Variants in GAS2 observed in about 807,000 individuals in gnomAD.
GAS2 encodes the protein growth arrest specific 2.
GAS2 carries 20 observed loss-of-function variants against 37.5 expected under a neutral mutation model. The observed-to-expected ratio is 0.53, with a 90% confidence interval of 0.37 to 0.77. GAS2 has a LOEUF of 0.77. GAS2 is among the 30% of genes least tolerant of loss of function. GAS2 has a pLI of 0.00. For synonymous variants in GAS2, 144 were observed against 132.2 expected (o/e 1.09, Z -0.61); for missense variants, 336 against 373.4 (o/e 0.90, Z 0.82).
intron 7 of GAS2, among the ~76,000 whole-genome samples, chr11:22,811,136 C>T (rs752339669): frequency 1.3e-5 from 2 of 151,780 alleles, no homozygotes; most frequent in African/African-American, 4.8e-5. Flanking sequence ...AATCAATAAC[C>T]TTGTTAAGTT....
chr11:22,798,197 C>T (rs1856515652), intron 7 of GAS2, among the ~76,000 whole-genome samples: 1 of 151,938 alleles, frequency 6.6e-6, no homozygotes, highest in Non-Finnish European at 1.5e-5. Context: ...GAAATAAAAC[C>T]TGTAAGAACC....
Position 22,674,912 on chromosome 11 carries a change from C to A in GAS2, c.43C>A (p.Leu15Ile), listed in dbSNP as rs1849355685. Reference protein sequence around the residue: ...LSPKVRSGPGLSDMHQYSQWL... With the variant: ...LSPKVRSGPGISDMHQYSQWL... ...CCCAAAGGTACGCAGTGGACCTGGC[C>A]TCTCTGATATGCATCAGTATAGCCA... The change falls in exon 2 of 8, where the codon CTC (leucine) becomes ATC (isoleucine). Residue 15 changes from leucine to isoleucine, a missense_variant. Leu to Ile is a conservative substitution (Grantham distance 5). Transcript: ENST00000454584. 1.9e-6 allele frequency: 3 copies of A among 1,613,478 alleles called. No individual in the cohort carries two copies. In the African/African-American group the frequency reaches 4.0e-5, roughly 22 times the overall value.
At chr11:22,635,674 A>G (rs1231616923) in intron 1 of GAS2, among the ~76,000 whole-genome samples, 3 of 152,172 alleles carry the variant, frequency 2.0e-5, no homozygotes, top group Non-Finnish European at 4.4e-5. Context: ...ATCCCTGTTC[A>G]AGATTATATT....
intron 1 of GAS2, among the ~76,000 whole-genome samples, chr11:22,631,692 C>T (rs1483764644): frequency 6.6e-6 from 1 of 151,896 alleles, no homozygotes; most frequent in South Asian, 2.1e-4. Flanking sequence ...GATGAATTAT[C>T]TTTTTGATGT....
At chr11:22,682,165 G>T (rs1849711773) in intron 2 of GAS2, among the ~76,000 whole-genome samples, 1 of 151,926 alleles carries the variant, frequency 6.6e-6, no homozygotes, top group African/African-American at 2.4e-5. Flanking sequence ...TTTTTCATTA[G>T]ATACAGATGT....
chr11:22,663,846 T>G (rs532173235), upstream of GAS2, among the ~76,000 whole-genome samples: 43 of 152,296 alleles, frequency 2.8e-4, no homozygotes, highest in South Asian at 8.9e-3. Flanking sequence ...CTTTGCCTTA[T>G]GACATTAAAA....
chr11:22,746,619 A>G (rs1322706438), intron 5 of GAS2, among the ~76,000 whole-genome samples: 1 of 152,176 alleles, frequency 6.6e-6, no homozygotes, highest in Non-Finnish European at 1.5e-5. Context: ...CCAATACTGC[A>G]TGTTCTCACT....
intron 2 of GAS2, among the ~76,000 whole-genome samples, chr11:22,679,408 A>T (rs1217508279): frequency 3.9e-5 from 6 of 152,102 alleles, no homozygotes; most frequent in Non-Finnish European, 8.8e-5. Context: ...GGTATATTAG[A>T]ACATGAAATG....
chr11:22,799,047 C>G (rs1234319861), intron 7 of GAS2, among the ~76,000 whole-genome samples: 1 of 152,086 alleles, frequency 6.6e-6, no homozygotes, highest in East Asian at 1.9e-4. Flanking sequence ...TAAAAACACA[C>G]AGTGAATGGA....
intron 7 of GAS2, among the ~76,000 whole-genome samples, chr11:22,795,387 A>T (rs754478718): frequency 6.6e-6 from 1 of 152,114 alleles, no homozygotes; most frequent in Non-Finnish European, 1.5e-5. Context: ...AAAGAGAAGC[A>T]GAACAGGGTA....
intron 1 of GAS2, among the ~76,000 whole-genome samples, chr11:22,648,071 T>A (rs1019964808): frequency 6.6e-6 from 1 of 152,242 alleles, no homozygotes; most frequent in Non-Finnish European, 1.5e-5. Flanking sequence ...AACGTTTAAG[T>A]CTTCAATCCA....
At chr11:22,645,554 A>G (rs910678052) in intron 1 of GAS2, among the ~76,000 whole-genome samples, 2 of 152,016 alleles carry the variant, frequency 1.3e-5, no homozygotes, top group Non-Finnish European at 2.9e-5. Flanking sequence ...AAATATATTT[A>G]TATCAGGCTA....
intron 7 of GAS2, among the ~76,000 whole-genome samples, chr11:22,779,611 T>G (rs192029406): frequency 6.7e-4 from 102 of 152,066 alleles, no homozygotes; most frequent in African/African-American, 2.4e-3. Flanking sequence ...GACAGGAAAA[T>G]TGCTTGAACC....
At chr11:22,671,178 A>ATTT (rs1295173967) in intron 1 of GAS2, among the ~76,000 whole-genome samples, 1 of 152,036 alleles carries the variant, frequency 6.6e-6, no homozygotes, top group Non-Finnish European at 1.5e-5. Context: ...CATATTCATA[A>ATTT]TTGTTATTCC....
intron 6 of GAS2, among the ~76,000 whole-genome samples, chr11:22,753,924 T>A (rs1257882432): frequency 6.6e-6 from 1 of 152,098 alleles, no homozygotes. Context: ...GGTTCTGCAT[T>A]ATTGGAAGGA....
intron 7 of GAS2, among the ~76,000 whole-genome samples, chr11:22,767,615 C>A (rs1347230152): frequency 3.9e-5 from 6 of 152,034 alleles, no homozygotes; most frequent in Admixed American, 3.9e-4. Context: ...TCTTGAATAA[C>A]TGATGAGTCT....
chr11:22,667,479 T>C (rs959440917), intron 1 of GAS2, among the ~76,000 whole-genome samples: 3 of 152,184 alleles, frequency 2.0e-5, no homozygotes, highest in African/African-American at 7.2e-5. Context: ...TTGAGTTTTA[T>C]GTGAATAAAC....
chr11:22,640,982 C>T (rs951859474), intron 1 of GAS2, among the ~76,000 whole-genome samples: 2 of 151,762 alleles, frequency 1.3e-5, no homozygotes, highest in Admixed American at 1.3e-4. Flanking sequence ...GTTTTTCCCT[C>T]TTAACTTCAT....
At chr11:22,774,037 A>G (rs1855124899) in intron 7 of GAS2, among the ~76,000 whole-genome samples, 1 of 152,182 alleles carries the variant, frequency 6.6e-6, no homozygotes, top group Non-Finnish European at 1.5e-5. Context: ...CTTGTTGCCC[A>G]GGCTGGAGTA....
Sources: allele counts gnomAD v4.1 joint callset (sites outside exome capture counted in the v4.1 genomes callset), GRCh38; gene constraint gnomAD v4.1.1; transcripts MANE v1.5; gene names NCBI Gene and HGNC (gene_info 2026-07-23, HGNC 2026-07-21).